The following SALL4 variants were observed in gnomAD, a reference collection of about 807,000 sequenced individuals.
SALL4 encodes spalt like transcription factor 4.
In SALL4, 4 loss-of-function variants were observed where a neutral mutation model predicts 60.8. The observed-to-expected ratio is 0.07, with a 90% CI of 0.03 to 0.15. The LOEUF (loss-of-function observed/expected upper bound fraction) is 0.15. SALL4 is among the 10% of genes least tolerant of loss of function. SALL4 has a pLI of 1.00. For synonymous variants in SALL4, 580 were observed against 574.9 expected, an observed-to-expected ratio of 1.01 and a Z score of -0.13; for missense variants, 1,178 against 1,394.7, an observed-to-expected ratio of 0.84 and a Z score of 2.48.
chr20:51,799,454 T>A (rs961684023), intron 1 of SALL4, among the ~76,000 whole-genome samples: 1 of 152,194 alleles, frequency 6.6e-6, no homozygotes, highest in South Asian at 2.1e-4. Flanking sequence ...CCCAAGATGG[T>A]TCCCCAACCC....
In SALL4 at chr20:51,792,343, A is replaced by G. The variant is rs2078052476; in HGVS notation, c.140T>C (p.Val47Ala). 1 of 1,603,218 alleles carries G rather than the reference A, an allele frequency of 6.2e-7. No individual in the cohort carries two copies. Among genetic ancestry groups the G allele is most frequent in the African/African-American group, 1.3e-5 (1 of 75,012 alleles). Reference sequence around the variant, plus strand: ...CACCTCGTCATTCCCTGGGTGGTTCACTGGAGCACCTGTAACAAGACAGAA... The same window carrying G: ...CACCTCGTCATTCCCTGGGTGGTTCGCTGGAGCACCTGTAACAAGACAGAA... ...APAAGELGAP[V>A]NHPGNDEVAS... is the part of the protein sequence containing the mutation. The change falls in exon 2 of 4, where the codon GTG (valine) becomes GCG (alanine). Residue 47 changes from valine to alanine, a missense_variant. Physicochemically the swap from Val to Ala is moderately conservative, Grantham distance 64. This residue lies in a region of SALL4 where 108 missense variants were observed against 95.7 expected (regional missense o/e 1.13). Transcript: ENST00000217086.
chr20:51,786,235 C>T (rs1004278181), intron 3 of SALL4, among the ~76,000 whole-genome samples: 36 of 149,630 alleles, frequency 2.4e-4, no homozygotes, highest in Non-Finnish European at 4.9e-4. Context: ...TACAGGCGCC[C>T]ACCGCCACCA....
At chr20:51,795,932 C>G (rs1310875753) in intron 1 of SALL4, among the ~76,000 whole-genome samples, 1 of 152,146 alleles carries the variant, frequency 6.6e-6, no homozygotes, top group East Asian at 1.9e-4. Flanking sequence ...CAGTGGCTCA[C>G]ACCTGTAATC....
At chr20:51,800,417 T>C (rs367721394) in intron 1 of SALL4, among the ~76,000 whole-genome samples, 2 of 152,232 alleles carry the variant, frequency 1.3e-5, no homozygotes, top group African/African-American at 4.8e-5. Flanking sequence ...CAAATCGCAG[T>C]GGCAGCGCAC....
At chr20:51,799,142 A>G (rs1781701198) in intron 1 of SALL4, among the ~76,000 whole-genome samples, 1 of 152,222 alleles carries the variant, frequency 6.6e-6, no homozygotes, top group Admixed American at 6.5e-5. Flanking sequence ...CACAATAAAC[A>G]CAAATAAAAA....
In SALL4 at chr20:51,788,778, T is replaced by C; in HGVS notation, c.2742+83A>G. 6.5e-7 allele frequency: 1 copy of C among 1,545,208 alleles called. No homozygotes were observed. Reference sequence around the variant, plus strand: ...GCCTCCCAAAGGAGGAATGGAAGGATGGAAGAACTCATCACGGCTTGTGCC... The same window carrying C: ...GCCTCCCAAAGGAGGAATGGAAGGACGGAAGAACTCATCACGGCTTGTGCC... On this transcript the variant is annotated intron_variant, in intron 3 of 3. Coordinates refer to ENST00000217086, the MANE Select transcript of SALL4 (RefSeq NM_020436.5). The surrounding 1 kb of genome is among the most constrained non-coding windows in gnomAD (Gnocchi z 4.1).
Position 51,790,194 on chromosome 20 carries a change from T to C in SALL4, c.2289A>G (p.Ser763=). Residue 763 remains serine (S), a synonymous_variant, in exon 2 of 4, where the codon TCA becomes TCG. Coordinates refer to ENST00000217086, the MANE Select transcript of SALL4 (RefSeq NM_020436.5). This position sits in a 1 kb window ranked among gnomAD's most constrained non-coding sequence, Gnocchi z 5.5. The part of the protein sequence containing the change: ...SVESDGLTND[S]SSLMGDQEYQ... ...ACTCCTGGTCTCCCATCAGCGAGGA[T>C]GAGTCGTTGGTCAAGCCATCGCTCT... 1 of 1,614,156 alleles carries C rather than the reference T, an allele frequency of 6.2e-7. No individual in the cohort carries two copies. Among genetic ancestry groups the C allele is most frequent in the Non-Finnish European group, 8.5e-7 (1 of 1,180,034 alleles).
chr20:51,784,397 G>A lies in SALL4; in HGVS notation c.3030C>T (p.Asn1010=), dbSNP rs748658171. 25 of 1,614,160 alleles carry A rather than the reference G, an allele frequency of 1.5e-5. No individual in the cohort carries two copies. Among genetic ancestry groups the A allele is most frequent in the African/African-American group, 6.7e-5 (5 of 75,040 alleles). The change falls in exon 4 of 4, where the codon AAC becomes AAT. Residue 1010 remains asparagine (N), a synonymous_variant. Transcript: ENST00000217086. ...AGCCATCCATCTTGGAGACAGTGGC[G>A]TTATTCACAACGGAGGTGGCCCCCA... The part of the protein sequence containing the change: ...VSLGATSVVN[N]ATVSKMDGSQ...
intron 3 of SALL4, 117 bp from the exon 4 acceptor site, chr20:51,784,801 T>A: frequency 3.4e-6 from 4 of 1,192,106 alleles, no homozygotes; most frequent in Non-Finnish European, 5.0e-6. Context: ...ATATAGATGA[T>A]CCTTGACTTA....
chr20:51,791,434 G>A lies in SALL4; in HGVS notation c.1049C>T (p.Thr350Ile). ...GSVLFQSPFS[T>I]VALDTSKKGK... Reference sequence around the variant, plus strand: ...TTTCTTGGATGTGTCTAGCGCCACAGTGGAGAAAGGGCTCTGGAAGAGCAC... The same window carrying A: ...TTTCTTGGATGTGTCTAGCGCCACAATGGAGAAAGGGCTCTGGAAGAGCAC... Residue 350 changes from threonine to isoleucine, a missense_variant, in exon 2 of 4, where the codon ACT (threonine) becomes ATT (isoleucine). Thr to Ile is a moderately conservative substitution (Grantham distance 89). Coordinates refer to ENST00000217086, the MANE Select transcript of SALL4 (RefSeq NM_020436.5). This position sits in a 1 kb window ranked among gnomAD's most constrained non-coding sequence, Gnocchi z 4.6. 6.2e-7 allele frequency: 1 copy of A among 1,614,228 alleles called. No homozygotes were observed. The highest frequency in any genetic ancestry group is 8.5e-7 in the Non-Finnish European group (1 of 1,180,040).
chr20:51,787,493 T>C (rs1019701341), intron 3 of SALL4, among the ~76,000 whole-genome samples: 1 of 152,136 alleles, frequency 6.6e-6, no homozygotes, highest in Non-Finnish European at 1.5e-5. Context: ...GAAAAATGTA[T>C]CTGGCTGGGA....
intron 1 of SALL4, among the ~76,000 whole-genome samples, chr20:51,798,446 C>T (rs1019158333): frequency 3.2e-5 from 4 of 126,298 alleles, no homozygotes; most frequent in African/African-American, 1.2e-4. Flanking sequence ...CACAGACATA[C>T]AATTTGTTGG....
Position 51,788,323 on chromosome 20 carries a change from TTGTGTGTGTG to T in SALL4, c.2742+528_2742+537del, listed in dbSNP as rs3030173. On this transcript the variant is annotated intron_variant, in intron 3 of 3. Coordinates refer to ENST00000217086, the MANE Select transcript of SALL4 (RefSeq NM_020436.5). This position sits in a 1 kb window ranked among gnomAD's most constrained non-coding sequence, Gnocchi z 4.1. ...GCATGCAACACCATGCCCAACTAATTTGTGTGTGTGTGTGTGTGTGTGTGTGTGTGTGTGT... is the reference window on the plus strand; with the variant it reads ...GCATGCAACACCATGCCCAACTAATTTGTGTGTGTGTGTGTGTGTGTGTGT... Among the ~76,000 whole-genome samples the T allele has an allele frequency of 7.3e-4, 104 of 141,936 alleles. No individual in the cohort carries two copies. The highest frequency in any genetic ancestry group is 2.5e-3 in the African/African-American group (94 of 37,894). The allele number at this position is 141,936 out of a possible 152,430, so 93.1% of individuals were successfully genotyped here. A position where few individuals can be genotyped will look rare whatever the true frequency, so the allele number is the denominator to read the frequency against.
At chr20:51,787,655 T>C (rs1213872673) in intron 3 of SALL4, among the ~76,000 whole-genome samples, 1 of 137,746 alleles carries the variant, frequency 7.3e-6, no homozygotes, top group Non-Finnish European at 1.6e-5. Context: ...CTTTTCAGCT[T>C]CTTTTTTTTT....
Position 51,790,297 on chromosome 20 carries a change from G to C in SALL4, c.2186C>G (p.Ser729Cys), listed in dbSNP as rs753135483. The C allele has an allele frequency of 6.2e-7, 1 of 1,614,182 alleles. No individual in the cohort carries two copies. The highest frequency in any genetic ancestry group is 2.2e-5 in the East Asian group (1 of 44,886). Reference sequence around the variant, plus strand: ...ACCCACTTTCCCTGGGGCATCTAAGGAAGCCATCATGGCAAACCCTAGCGT... The same window carrying C: ...ACCCACTTTCCCTGGGGCATCTAAGCAAGCCATCATGGCAAACCCTAGCGT... ...SPTLGFAMMASLDAPGKVGPA... is the reference protein window; with the variant it reads ...SPTLGFAMMACLDAPGKVGPA... The change falls in exon 2 of 4, where the codon TCC becomes TGC. Residue 729 changes from serine (S) to cysteine (C), a missense_variant. Ser to Cys is a moderately radical substitution (Grantham distance 112). This residue lies in a region of SALL4 where 853 missense variants were observed against 1,036.8 expected (regional missense o/e 0.82). Coordinates refer to ENST00000217086, the MANE Select transcript of SALL4 (RefSeq NM_020436.5). This position sits in a 1 kb window ranked among gnomAD's most constrained non-coding sequence, Gnocchi z 5.5.
Position 51,792,191 on chromosome 20 carries a change from G to C in SALL4, c.292C>G (p.Pro98Ala). 1 of 1,614,132 alleles carries C rather than the reference G, an allele frequency of 6.2e-7. No homozygotes were observed. The highest frequency in any genetic ancestry group is 8.5e-7 in the Non-Finnish European group (1 of 1,180,042). The change falls in exon 2 of 4, where the codon CCA (proline) becomes GCA (alanine). Residue 98 changes from proline to alanine, a missense_variant. Pro to Ala is a conservative substitution (Grantham distance 27). This residue lies in a region of SALL4 where 853 missense variants were observed against 1,036.8 expected (regional missense o/e 0.82). Transcript: ENST00000217086. ...CTGTCATTCATGATGAGGACAGGTGGATTTTTAGTGCAATTTTTCTTATGT... is the reference window on the plus strand; with the variant it reads ...CTGTCATTCATGATGAGGACAGGTGCATTTTTAGTGCAATTTTTCTTATGT... The part of the protein sequence containing the change: ...LEHKKNCTKN[P>A]PVLIMNDSEG...
chr20:51,790,411 A>T lies in SALL4; in HGVS notation c.2072T>A (p.Ile691Asn). The T allele has an allele frequency of 6.2e-7, 1 of 1,613,968 alleles. No individual in the cohort carries two copies. Among genetic ancestry groups the T allele is most frequent in the Non-Finnish European group, 8.5e-7 (1 of 1,180,006 alleles). Reference sequence around the variant, plus strand: ...CTGGGAGCTGACTTCCTCTACATCGATGCTTTCGATGACATCATCATGGCA... The same window carrying T: ...CTGGGAGCTGACTTCCTCTACATCGTTGCTTTCGATGACATCATCATGGCA... ...AICHDDVIESIDVEEVSSQEA... is the reference protein window; with the variant it reads ...AICHDDVIESNDVEEVSSQEA... Residue 691 changes from isoleucine to asparagine, a missense_variant, in exon 2 of 4, where the codon ATC (isoleucine) becomes AAC (asparagine). Ile to Asn is a moderately radical substitution (Grantham distance 149). This residue lies in a region of SALL4 where 853 missense variants were observed against 1,036.8 expected (regional missense o/e 0.82). Transcript: ENST00000217086. The surrounding 1 kb of genome is among the most constrained non-coding windows in gnomAD (Gnocchi z 5.5).
Position 51,802,489 on chromosome 20 carries a change from C to T in SALL4, c.-81G>A, listed in dbSNP as rs1426953109. On this transcript the variant is annotated 5_prime_UTR_variant, in exon 1 of 4. Transcript: ENST00000217086. ...ATTCCTGGAGTTGGGAAATTTACCC[C>T]CCTTCGGCCGGAACGCGCATGTCCC... The T allele has an allele frequency of 1.9e-6, 3 of 1,599,656 alleles. No homozygotes were observed. Among genetic ancestry groups the T allele is most frequent in the East Asian group, 4.5e-5 (2 of 44,648 alleles).
chr20:51,789,509 C>G (rs2078019138), intron 2 of SALL4, among the ~76,000 whole-genome samples: 1 of 152,238 alleles, frequency 6.6e-6, no homozygotes, highest in Middle Eastern at 3.4e-3. Flanking sequence ...CATCAACAAA[C>G]CTCTCAATAG....
Sources: gnomAD v4.1 joint callset for allele counts (sites outside exome capture counted in the v4.1 genomes callset) on GRCh38, gnomAD v4.1.1 for gene constraint, gnomAD v4.1.1 regional missense constraint, Gnocchi (gnomAD v3.1) non-coding constraint, MANE v1.5 for transcripts, NCBI Gene and HGNC (gene_info 2026-07-23, HGNC 2026-07-21) for gene names.